Variants in DOCK5 observed in about 807,000 individuals in gnomAD.
DOCK5 encodes the protein dedicator of cytokinesis 5, also known as dedicator of cytokinesis protein 5.
In DOCK5, 142 loss-of-function variants were observed where a neutral mutation model predicts 251.8. The ratio of observed to expected loss-of-function variants is 0.56; its 90% CI spans 0.49 to 0.65. DOCK5 has a LOEUF of 0.65. Ranked by LOEUF, DOCK5 falls within the 30% of genes least tolerant of loss-of-function variation. The probability of loss-of-function intolerance (pLI) is 0.00; values close to 1 mark genes in which losing one functional copy is unlikely to be tolerated. For missense variants in DOCK5, 2,111 were observed against 2,312.3 expected (o/e 0.91, Z 1.79); for synonymous variants, 842 against 835.5 (o/e 1.01, Z -0.13).
At chr8:25,277,809 T>TA (rs528658604) in intron 4 of DOCK5, among the ~76,000 whole-genome samples, 7 of 152,210 alleles carry the variant, frequency 4.6e-5, no homozygotes, top group Non-Finnish European at 1.0e-4. Flanking sequence ...ACACTTATTC[T>TA]AAAAAATCTT....
chr8:25,186,082 CAATT>C (rs912791001), intron 1 of DOCK5, among the ~76,000 whole-genome samples: 9 of 152,284 alleles, frequency 5.9e-5, no homozygotes, highest in South Asian at 2.1e-4. Context: ...AGTGCAGTCT[CAATT>C]AAGAGCTACT....
chr8:25,242,278 A>G (rs553817462), intron 1 of DOCK5, among the ~76,000 whole-genome samples: 2 of 152,280 alleles, frequency 1.3e-5, no homozygotes, highest in Admixed American at 6.5e-5. Flanking sequence ...GCAGCTCTGA[A>G]CATTCACATA....
At chr8:25,243,382 G>A (rs993551791) in intron 1 of DOCK5, among the ~76,000 whole-genome samples, 42 of 149,030 alleles carry the variant, frequency 2.8e-4, no homozygotes, top group African/African-American at 9.4e-4. Flanking sequence ...CCAGGCTGGT[G>A]TGCAGTGGCG....
chr8:25,408,767 C>T (rs746140837), intron 49 of DOCK5, 35 bp from the exon 50 acceptor site: 30 of 1,611,120 alleles, frequency 1.9e-5, no homozygotes, highest in Admixed American at 6.7e-5. Flanking sequence ...CCTTCCTCAC[C>T]GTGAAAATGT....
rs560128214 is a variant in DOCK5 at position 25,292,019 on chromosome 8, C to T, written c.322-5C>T. 5.4e-5 allele frequency: 85 copies of T among 1,578,818 alleles called. 2 individuals carry two copies. In the South Asian group the frequency reaches 9.5e-4, roughly 18 times the overall value. On this transcript the variant is annotated splice_region_variant and splice_polypyrimidine_tract_variant and intron_variant, in intron 5 of 51. Coordinates refer to ENST00000276440, the MANE Select transcript of DOCK5 (RefSeq NM_024940.8). ...TCTTTTCTTCATCATATTTTCTCAT[C>T]TTAGAACAACAAGCTCACCCTCTTC...
chr8:25,356,654 G>A (rs552282072), intron 27 of DOCK5, among the ~76,000 whole-genome samples: 4 of 152,024 alleles, frequency 2.6e-5, no homozygotes, highest in East Asian at 3.9e-4. Flanking sequence ...GTGACAGAAC[G>A]AGACCCTGTC....
intron 38 of DOCK5, 25 bp downstream of exon 38, chr8:25,377,449 TA>T (rs1800982935): frequency 6.2e-7 from 1 of 1,608,286 alleles, no homozygotes; most frequent in Non-Finnish European, 8.5e-7. Context: ...GTTTTTGTAC[TA>T]GGGGAAAGAG....
chr8:25,385,707 G>A (rs184436510), intron 40 of DOCK5, among the ~76,000 whole-genome samples: 8 of 152,244 alleles, frequency 5.3e-5, no homozygotes, highest in Admixed American at 1.3e-4. Flanking sequence ...ATCAAAAAAT[G>A]AGATAAATCA....
chr8:25,374,486 G>A (rs1800929135), intron 36 of DOCK5, 78 bp from the exon 37 acceptor site: 3 of 1,348,130 alleles, frequency 2.2e-6, no homozygotes, highest in East Asian at 2.3e-5. Context: ...AATACAGCAA[G>A]ACCCTGTCTC....
At chr8:25,385,972 T>C (rs1478425967) in intron 40 of DOCK5, among the ~76,000 whole-genome samples, 2 of 152,180 alleles carry the variant, frequency 1.3e-5, no homozygotes, top group Non-Finnish European at 2.9e-5. Flanking sequence ...ACCTTGAGAA[T>C]AGCAGGTCCA....
At chr8:25,335,801 G>C (rs1276225128) in intron 21 of DOCK5, among the ~76,000 whole-genome samples, 2 of 152,068 alleles carry the variant, frequency 1.3e-5, no homozygotes, top group African/African-American at 4.8e-5. Flanking sequence ...TTTCTATCTG[G>C]CTCCATATTG....
chr8:25,299,134 T>G, intron 8 of DOCK5, 33 bp downstream of exon 8: 1 of 1,603,978 alleles, frequency 6.2e-7, no homozygotes, highest in Non-Finnish European at 8.5e-7. Context: ...GCTGCTGACC[T>G]AACAAAGATA....
chr8:25,372,878 A>T (rs984082156), intron 35 of DOCK5, among the ~76,000 whole-genome samples, 160 bp downstream of exon 35: 5 of 152,202 alleles, frequency 3.3e-5, no homozygotes, highest in African/African-American at 1.2e-4. Flanking sequence ...GGCTCAGCTC[A>T]CAGGTATCAG....
Position 25,334,924 on chromosome 8 carries a change from G to A in DOCK5, c.2192+728G>A, listed in dbSNP as rs182900925. Among the ~76,000 whole-genome samples, 352 of 152,256 alleles carry A rather than the reference G, an allele frequency of 2.3e-3. 2 individuals are homozygous for A. Among genetic ancestry groups the A allele is most frequent in the Non-Finnish European group, 3.9e-3 (263 of 68,000 alleles). On this transcript the variant is annotated intron_variant, in intron 21 of 51. Transcript: ENST00000276440. ...TGCTTACAGGATATGAGAAGATTTC[G>A]TTTTCCCATCTTTTGCATAAGAGGC...
chr8:25,352,627 C>T (rs1800491701), intron 27 of DOCK5, among the ~76,000 whole-genome samples: 1 of 152,096 alleles, frequency 6.6e-6, no homozygotes, highest in Non-Finnish European at 1.5e-5. Flanking sequence ...ATTTCAAATT[C>T]CTATCAGATA....
At chr8:25,251,994 A>C (rs1432799592) in intron 2 of DOCK5, among the ~76,000 whole-genome samples, 2 of 1,014 alleles carry the variant, frequency 2.0e-3, no homozygotes, top group Non-Finnish European at 3.4e-3. Context: ...CTCTATCTCA[A>C]AAAAAAAAAA....
chr8:25,252,418 C>T (rs944958053), intron 2 of DOCK5, among the ~76,000 whole-genome samples: 2 of 152,198 alleles, frequency 1.3e-5, no homozygotes, highest in Non-Finnish European at 2.9e-5. Context: ...TATTGTAATT[C>T]AAAATCTATA....
chr8:25,346,033 G>A (rs1290567512), intron 26 of DOCK5, among the ~76,000 whole-genome samples: 1 of 152,118 alleles, frequency 6.6e-6, no homozygotes, highest in African/African-American at 2.4e-5. Context: ...TGTATTTTTA[G>A]TAGAGACGGG....
At chr8:25,358,912 T>C in intron 27 of DOCK5, 51 bp from the exon 28 acceptor site, 1 of 1,526,316 alleles carries the variant, frequency 6.6e-7, no homozygotes, top group Non-Finnish European at 9.1e-7. Flanking sequence ...AGTGTTTTTG[T>C]CAGTTGGTGG....
Sources: allele counts gnomAD v4.1 joint callset (sites outside exome capture counted in the v4.1 genomes callset), GRCh38; gene constraint gnomAD v4.1.1; transcripts MANE v1.5; gene names NCBI Gene and HGNC (gene_info 2026-07-23, HGNC 2026-07-21).